Variants in SLC25A21 observed in about 807,000 individuals in gnomAD.
The protein encoded by SLC25A21 is mitochondrial 2-oxodicarboxylate carrier.
Under a neutral mutation model 43.8 loss-of-function variants are expected in SLC25A21, and 47 were observed. That is an observed-to-expected ratio of 1.07 (90% CI 0.85 to 1.37). SLC25A21 has a LOEUF of 1.37. SLC25A21 is among the 40% of genes most tolerant of loss of function. The pLI, the probability that SLC25A21 is intolerant of heterozygous loss-of-function variation, is 0.00. For missense variants in SLC25A21, 352 were observed against 350.2 expected, an observed-to-expected ratio of 1.00 and a Z score of -0.04; for synonymous variants, 131 against 121.3, an observed-to-expected ratio of 1.08 and a Z score of -0.52.
At chr14:37,045,592 T>C (rs1386097145) in intron 1 of SLC25A21, among the ~76,000 whole-genome samples, 1 of 152,174 alleles carries the variant, frequency 6.6e-6, no homozygotes, top group Non-Finnish European at 1.5e-5. Context: ...TCTCAAGCAG[T>C]TTCCACCCCA....
At chr14:37,157,794 A>C (rs755313652) in intron 1 of SLC25A21, among the ~76,000 whole-genome samples, 1 of 152,194 alleles carries the variant, frequency 6.6e-6, no homozygotes, top group East Asian at 1.9e-4. Flanking sequence ...AGGATAAACA[A>C]AACAAAAAGT....
chr14:36,960,696 T>C (rs934111903), intron 1 of SLC25A21, among the ~76,000 whole-genome samples: 1 of 152,092 alleles, frequency 6.6e-6, no homozygotes, highest in Non-Finnish European at 1.5e-5. Flanking sequence ...TTATGGCAAA[T>C]CCCTCTAAAG....
intron 2 of SLC25A21, among the ~76,000 whole-genome samples, chr14:36,823,742 T>G (rs991648058): frequency 6.6e-6 from 1 of 152,170 alleles, no homozygotes; most frequent in Non-Finnish European, 1.5e-5. Context: ...TTTAAAAATT[T>G]GACGCCCCAA....
chr14:36,982,838 C>CAAACAAAACAAAACA (rs150239734), intron 1 of SLC25A21, among the ~76,000 whole-genome samples: 4 of 151,310 alleles, frequency 2.6e-5, no homozygotes, highest in South Asian at 2.1e-4. Context: ...ACAACAACAA[C>CAAACAAAACAAAACA]AAACAAAACA....
At chr14:36,749,629 C>A (rs1367557838) in intron 3 of SLC25A21, among the ~76,000 whole-genome samples, 3 of 152,210 alleles carry the variant, frequency 2.0e-5, no homozygotes, top group African/African-American at 7.2e-5. Context: ...CCATTAATCA[C>A]CTCGTGCTCT....
intron 3 of SLC25A21, among the ~76,000 whole-genome samples, chr14:36,779,908 A>G (rs1265440527): frequency 6.6e-6 from 1 of 151,848 alleles, no homozygotes; most frequent in Non-Finnish European, 1.5e-5. Flanking sequence ...TTTATATTCT[A>G]CCAACAGTGG....
chr14:36,995,567 A>G (rs1328145346), intron 1 of SLC25A21, among the ~76,000 whole-genome samples: 1 of 152,234 alleles, frequency 6.6e-6, no homozygotes, highest in Non-Finnish European at 1.5e-5. Context: ...AAGTTATTCA[A>G]CACAAAGCCC....
chr14:36,811,773 A>G (rs1317526746), intron 3 of SLC25A21, among the ~76,000 whole-genome samples: 1 of 152,254 alleles, frequency 6.6e-6, no homozygotes, highest in African/African-American at 2.4e-5. Context: ...AATGAAATTT[A>G]ATTTCTATAT....
intron 1 of SLC25A21, among the ~76,000 whole-genome samples, chr14:37,093,516 A>T (rs1449985642): frequency 6.6e-6 from 1 of 152,230 alleles, no homozygotes; most frequent in Non-Finnish European, 1.5e-5. Context: ...CTGTGTGTAT[A>T]ATAAATTGCA....
intron 2 of SLC25A21, among the ~76,000 whole-genome samples, chr14:36,863,403 A>T (rs1206572486): frequency 1.3e-5 from 2 of 150,810 alleles, no homozygotes; most frequent in Non-Finnish European, 2.9e-5. Context: ...TTTAAAATTT[A>T]GACAAAACAG....
At chr14:37,079,372 T>A (rs1962342944) in intron 1 of SLC25A21, among the ~76,000 whole-genome samples, 1 of 152,196 alleles carries the variant, frequency 6.6e-6, no homozygotes, top group Non-Finnish European at 1.5e-5. Flanking sequence ...ATGCTCCTTG[T>A]CTTTGGTGTC....
intron 3 of SLC25A21, among the ~76,000 whole-genome samples, chr14:36,747,539 G>A (rs1885546319): frequency 6.6e-6 from 1 of 152,130 alleles, no homozygotes; most frequent in Admixed American, 6.6e-5. Context: ...ATTCAGAGAT[G>A]TCCTCCACAA....
chr14:37,071,837 C>G (rs1188398590), intron 1 of SLC25A21, among the ~76,000 whole-genome samples: 3 of 152,090 alleles, frequency 2.0e-5, no homozygotes, highest in Admixed American at 6.6e-5. Context: ...AAAAATGCTA[C>G]TAATTAGTTG....
chr14:36,755,118 T>C (rs1036023403), intron 3 of SLC25A21, among the ~76,000 whole-genome samples: 1 of 152,206 alleles, frequency 6.6e-6, no homozygotes, highest in Admixed American at 6.5e-5. Context: ...GTTTGGACCC[T>C]TGAAAAACCA....
At position 37,064,255 on chromosome 14, in the gene SLC25A21, C is replaced by T. The variant is rs79407848; in HGVS notation, c.70+108026G>A. On this transcript the variant is annotated intron_variant, in intron 1 of 9. Transcript: ENST00000331299. ...ACCAGTGGCCCCTTGGGTTCTCAGG[C>T]CTTTGGTCTGGGACTGAGAGTCAGA... 2.2e-3 allele frequency among the ~76,000 whole-genome samples: 336 copies of T among 152,220 alleles called. 2 individuals are homozygous for T. Among genetic ancestry groups the T allele is most frequent in the African/African-American group, 7.5e-3 (310 of 41,528 alleles).
At chr14:36,818,209 GA>G (rs1368706778) in intron 2 of SLC25A21, among the ~76,000 whole-genome samples, 6 of 152,154 alleles carry the variant, frequency 3.9e-5, no homozygotes, top group African/African-American at 1.4e-4. Context: ...GTACTTTGCA[GA>G]GACAATGGAA....
intron 1 of SLC25A21, among the ~76,000 whole-genome samples, chr14:36,978,348 T>G (rs1025636346): frequency 5.3e-5 from 8 of 152,250 alleles, no homozygotes; most frequent in Non-Finnish European, 2.9e-5. Context: ...TACACTATAC[T>G]ATAGTCTATT....
intron 1 of SLC25A21, among the ~76,000 whole-genome samples, chr14:37,102,924 G>A (rs1962843781): frequency 6.6e-6 from 1 of 151,678 alleles, no homozygotes; most frequent in Non-Finnish European, 1.5e-5. Context: ...GGCAGAGGTT[G>A]CAGTGACCCG....
intron 1 of SLC25A21, among the ~76,000 whole-genome samples, chr14:36,934,816 C>T (rs1892380144): frequency 6.6e-6 from 1 of 152,068 alleles, no homozygotes; most frequent in Non-Finnish European, 1.5e-5. Flanking sequence ...ATTCAAGAAA[C>T]ATTAATACTT....
Sources: gnomAD v4.1 joint callset for allele counts (sites outside exome capture counted in the v4.1 genomes callset) on GRCh38, gnomAD v4.1.1 for gene constraint, MANE v1.5 for transcripts, NCBI Gene and HGNC (gene_info 2026-07-23, HGNC 2026-07-21) for gene names.